SRFBP1: variants seen among roughly 807,000 people sequenced by gnomAD.
SRFBP1 encodes the protein serum response factor-binding protein 1.
Under a neutral mutation model 45.5 loss-of-function variants are expected in SRFBP1, and 47 were observed. That is an observed-to-expected ratio of 1.03 (90% confidence interval 0.82 to 1.32). The LOEUF is 1.32. Ranked by LOEUF, SRFBP1 falls within the 40% of genes most tolerant of loss-of-function variation. SRFBP1 has a pLI of 0.00. For synonymous variants in SRFBP1, 203 were observed against 166.3 expected (o/e 1.22, Z -1.70); for missense variants, 621 against 484.6 (o/e 1.28, Z -2.64).
chr5:122,026,948 C>T lies in SRFBP1; in HGVS notation c.1112C>T (p.Pro371Leu). The change falls in exon 8 of 8, where the codon CCA becomes CTA. Residue 371 changes from proline to leucine, a missense_variant. Transcript: ENST00000339397. ...QAPKTRSLDF[P>L]QNEPQIKNQF... ...TTTTGCTTTCTCTTCCTAGATTTTC[C>T]ACAGAATGAGCCTCAGATCAAGAAT... 6.3e-7 allele frequency: 1 copy of T among 1,599,032 alleles called. No individual in the cohort carries two copies. Among genetic ancestry groups the T allele is most frequent in the East Asian group, 2.2e-5 (1 of 44,494 alleles).
At chr5:122,053,315 T>G (rs746474248) in intron 2 of SRFBP1, among the ~76,000 whole-genome samples, 4 of 152,110 alleles carry the variant, frequency 2.6e-5, no homozygotes, top group Admixed American at 6.5e-5. Flanking sequence ...AAGAAGAAGC[T>G]TCAACCCTTG....
chr5:122,065,610 G>A (rs1754277256), intron 2 of SRFBP1: 1 of 151,930 alleles, frequency 6.6e-6, no homozygotes, highest in African/African-American at 2.4e-5. Flanking sequence ...CTATATCTCA[G>A]ACACACACAC....
downstream of SRFBP1, chr5:122,077,019 A>G: frequency 6.2e-7 from 1 of 1,611,390 alleles, no homozygotes; most frequent in Non-Finnish European, 8.5e-7. The surrounding 1 kb of genome is among the most constrained non-coding windows in gnomAD (Gnocchi z 4.9). Flanking sequence ...TCAGCAGGCG[A>G]CGGGCGCAGC....
chr5:122,037,726 C>A (rs1016913705), intron 2 of SRFBP1, among the ~76,000 whole-genome samples: 14 of 151,908 alleles, frequency 9.2e-5, no homozygotes, highest in African/African-American at 3.4e-4. Context: ...CCACGTCGCC[C>A]AGGCTGATCT....
At chr5:122,049,320 A>T (rs1464864884) in intron 2 of SRFBP1, among the ~76,000 whole-genome samples, 2 of 152,182 alleles carry the variant, frequency 1.3e-5, no homozygotes, top group Non-Finnish European at 2.9e-5. Flanking sequence ...CAACAAGAAG[A>T]GCTAAGTATC....
chr5:121,987,919 C>A lies in SRFBP1; in HGVS notation c.199-6680C>A, dbSNP rs181641016. The stretch of plus-strand genomic sequence containing the variant: ...CAGCACTGCACTGCTTATACACTTA[C>A]GAGTCACTATATTAGGTTGTTCAAA... On this transcript the variant is annotated intron_variant, in intron 3 of 7. Coordinates refer to ENST00000339397, the MANE Select transcript of SRFBP1 (RefSeq NM_152546.3). Among the ~76,000 whole-genome samples the A allele has an allele frequency of 1.1e-3, 169 of 152,220 alleles. 1 individual carries two copies. Among genetic ancestry groups the A allele is most frequent in the African/African-American group, 3.9e-3 (163 of 41,536 alleles).
chr5:122,054,966 G>C (rs1196028280), intron 2 of SRFBP1, among the ~76,000 whole-genome samples: 1 of 152,174 alleles, frequency 6.6e-6, no homozygotes, highest in Non-Finnish European at 1.5e-5. Flanking sequence ...ACTTATTGAA[G>C]ATCACACAGC....
At chr5:121,973,137 G>A (rs76826316) in intron 1 of SRFBP1, among the ~76,000 whole-genome samples, 5,634 of 151,534 alleles carry the variant, frequency 0.037, 298 homozygotes, top group African/African-American at 0.11. Flanking sequence ...CTCTTGCAGG[G>A]CAAAGAAAAC....
At chr5:122,032,586 G>C (rs904229484), downstream of SRFBP1, among the ~76,000 whole-genome samples, 3 of 152,130 alleles carry the variant, frequency 2.0e-5, no homozygotes, top group Non-Finnish European at 4.4e-5. Context: ...AATCACTGCA[G>C]ATTTGTTCAT....
chr5:122,037,753 A>G (rs542513391), intron 2 of SRFBP1, among the ~76,000 whole-genome samples: 6 of 152,166 alleles, frequency 3.9e-5, no homozygotes, highest in African/African-American at 1.4e-4. Context: ...CCTGGCTTCA[A>G]GTGTTCCTTC....
intron 1 of SRFBP1, among the ~76,000 whole-genome samples, chr5:121,970,092 C>G (rs950424308): frequency 7.9e-5 from 12 of 152,100 alleles, no homozygotes; most frequent in Non-Finnish European, 1.6e-4. Context: ...GCCAACTTTA[C>G]AATTCCTGGG....
At chr5:121,979,904 A>C (rs1453635299) in intron 3 of SRFBP1, among the ~76,000 whole-genome samples, 1 of 152,052 alleles carries the variant, frequency 6.6e-6, no homozygotes, top group East Asian at 1.9e-4. Flanking sequence ...TAAACCCATA[A>C]ATTCTGGGTT....
At chr5:122,042,752 C>G (rs1753792683) in intron 2 of SRFBP1, among the ~76,000 whole-genome samples, 1 of 152,070 alleles carries the variant, frequency 6.6e-6, no homozygotes, top group South Asian at 2.1e-4. Flanking sequence ...TACTGTTTTT[C>G]TCTTTTCGAC....
At chr5:121,985,104 C>G (rs1196477801) in intron 3 of SRFBP1, among the ~76,000 whole-genome samples, 2 of 151,780 alleles carry the variant, frequency 1.3e-5, no homozygotes, top group African/African-American at 4.8e-5. Context: ...AATATGGTGT[C>G]TGCCTTTGAG....
intron 4 of SRFBP1, among the ~76,000 whole-genome samples, chr5:122,007,193 G>A (rs910382800): frequency 1.3e-5 from 2 of 151,994 alleles, no homozygotes; most frequent in African/African-American, 4.8e-5. Flanking sequence ...TGGCATCTGG[G>A]TTCATGTGAT....
intron 7 of SRFBP1, among the ~76,000 whole-genome samples, chr5:122,024,860 CTATG>C (rs1356917894): frequency 6.6e-6 from 1 of 152,116 alleles, no homozygotes; most frequent in Admixed American, 6.5e-5. Context: ...ATATACAACT[CTATG>C]TAATATATAA....
At chr5:122,009,275 A>G (rs1414374382) in intron 4 of SRFBP1, among the ~76,000 whole-genome samples, 1 of 152,018 alleles carries the variant, frequency 6.6e-6, no homozygotes, top group Non-Finnish European at 1.5e-5. Flanking sequence ...TTCTTTAGAT[A>G]TTTTGGAGTG....
chr5:122,061,120 G>T (rs1004654147), intron 2 of SRFBP1, among the ~76,000 whole-genome samples: 13 of 150,560 alleles, frequency 8.6e-5, no homozygotes, highest in African/African-American at 3.1e-4. Context: ...CAGATCACTA[G>T]CTGGTAGTAT....
At chr5:121,964,094 G>A (rs976149819) in intron 1 of SRFBP1, among the ~76,000 whole-genome samples, 9 of 151,980 alleles carry the variant, frequency 5.9e-5, no homozygotes, top group African/African-American at 1.9e-4. Context: ...ATTTGAATTC[G>A]CTTTCAATCT....
Sources: gnomAD v4.1 joint callset for allele counts (sites outside exome capture counted in the v4.1 genomes callset) on GRCh38, gnomAD v4.1.1 for gene constraint, Gnocchi (gnomAD v3.1) non-coding constraint, MANE v1.5 for transcripts, NCBI Gene and HGNC (gene_info 2026-07-23, HGNC 2026-07-21) for gene names.